TNFSF12: variants seen among roughly 807,000 people sequenced by gnomAD.
TNFSF12 encodes TNF superfamily member 12, also known as tumor necrosis factor ligand superfamily member 12.
In TNFSF12, 16 loss-of-function variants were observed where a neutral mutation model predicts 31.2. The ratio of observed to expected loss-of-function variants is 0.51; its 90% CI spans 0.35 to 0.78. The LOEUF is 0.78. Among genes scored for constraint, TNFSF12 ranks in the 30% least tolerant of loss-of-function variants. The pLI, the probability that TNFSF12 is intolerant of heterozygous loss-of-function variation, is 0.01. For synonymous variants in TNFSF12, 150 were observed against 151.4 expected, an observed-to-expected ratio of 0.99 and a Z score of 0.07; for missense variants, 324 against 338.8, an observed-to-expected ratio of 0.96 and a Z score of 0.34.
chr17:7,557,054 G>T lies in TNFSF12; in HGVS notation c.499-45G>T, dbSNP rs752278271. 1.3e-6 allele frequency: 2 copies of T among 1,573,160 alleles called. No homozygotes were observed. Among genetic ancestry groups the T allele is most frequent in the Non-Finnish European group, 1.7e-6 (2 of 1,155,260 alleles). On this transcript the variant is annotated intron_variant, in intron 6 of 6. Coordinates refer to ENST00000293825, the MANE Select transcript of TNFSF12 (RefSeq NM_003809.3). The surrounding 1 kb of genome is among the most constrained non-coding windows in gnomAD (Gnocchi z 5.2). ...CGCTGAGGAAATTGGAAATTGAGGC[G>T]AGGGCAGGCAGAGGCCTGGACTCGG...
At chr17:7,552,632 C>T (rs1252420744) in intron 5 of TNFSF12, among the ~76,000 whole-genome samples, 1 of 151,980 alleles carries the variant, frequency 6.6e-6, no homozygotes, top group Admixed American at 6.6e-5. Flanking sequence ...CCCGGCCTAT[C>T]GATGGCATTT....
In TNFSF12 at chr17:7,556,816, A is replaced by C; in HGVS notation, c.412A>C (p.Ile138Leu). 1 of 1,550,454 alleles carries C rather than the reference A, an allele frequency of 6.4e-7. No individual in the cohort carries two copies. The highest frequency in any genetic ancestry group is 2.0e-5 in the Admixed American group (1 of 49,880). ...AGTGAGTGGCTGGGAGGAAGCCAGA[A>C]TCAACAGCTCCAGCCCTCTGCGCTA... ...GTVSGWEEAR[I>L]NSSSPLRYNR... is the part of the protein sequence containing the mutation. The change falls in exon 6 of 7, where the codon ATC becomes CTC. Residue 138 changes from isoleucine (I) to leucine (L), a missense_variant. Physicochemically the swap from Ile to Leu is conservative, Grantham distance 5. Transcript: ENST00000293825.
In TNFSF12 at chr17:7,557,125, C is replaced by T. The variant is rs1270959385; in HGVS notation, c.525C>T (p.Val175=). 1 of 1,613,542 alleles carries T rather than the reference C, an allele frequency of 6.2e-7. No homozygotes were observed. Among genetic ancestry groups the T allele is most frequent in the South Asian group, 1.1e-5 (1 of 91,062 alleles). ...TGCACTTTGATGAGGGGAAGGCTGT[C>T]TACCTGAAGCTGGACTTGCTGGTGG... is the stretch of plus-strand genomic sequence containing the variant. ...CQVHFDEGKA[V]YLKLDLLVDG... The change falls in exon 7 of 7, where the codon GTC becomes GTT. Residue 175 remains valine, a synonymous_variant. Coordinates refer to ENST00000293825, the MANE Select transcript of TNFSF12 (RefSeq NM_003809.3). The surrounding 1 kb of genome is among the most constrained non-coding windows in gnomAD (Gnocchi z 5.2).
chr17:7,551,071 CAG>C, intron 5 of TNFSF12, 93 bp downstream of exon 5: 1 of 1,590,202 alleles, frequency 6.3e-7, no homozygotes, highest in Non-Finnish European at 8.6e-7. Context: ...CCATCAGTCT[CAG>C]AACCACAGAA....
chr17:7,550,992 C>A lies in TNFSF12; in HGVS notation c.373+14C>A. 2 of 1,613,380 alleles carry A rather than the reference C, an allele frequency of 1.2e-6. No individual in the cohort carries two copies. Among genetic ancestry groups the A allele is most frequent in the Non-Finnish European group, 1.7e-6 (2 of 1,180,004 alleles). On this transcript the variant is annotated intron_variant, in intron 5 of 6. Transcript: ENST00000293825. The surrounding 1 kb of genome is among the most constrained non-coding windows in gnomAD (Gnocchi z 4.4). ...GAGCGCAGGCAGGTGAGACCCCATC[C>A]CCCGACACAGCACTGGCCTCCTGGG...
chr17:7,555,522 G>A (rs1214935027), intron 5 of TNFSF12, among the ~76,000 whole-genome samples: 1 of 152,236 alleles, frequency 6.6e-6, no homozygotes, highest in Non-Finnish European at 1.5e-5. Flanking sequence ...CCATCGGAAG[G>A]AGGAAGGCGA....
chr17:7,551,942 C>G (rs1006396488), intron 5 of TNFSF12, among the ~76,000 whole-genome samples: 11 of 152,108 alleles, frequency 7.2e-5, no homozygotes, highest in African/African-American at 2.4e-4. Context: ...TGTGCCACCA[C>G]GCCTGGCTAA....
chr17:7,557,362 C>A lies in TNFSF12; in HGVS notation c.*12C>A. 6.3e-7 allele frequency: 1 copy of A among 1,575,738 alleles called. No individual in the cohort carries two copies. The highest frequency in any genetic ancestry group is 1.2e-5 in the South Asian group (1 of 86,522). The stretch of plus-strand genomic sequence containing the variant: ...TCCAGGTTCACTGAGGGGCCCTGGT[C>A]TCCCCGCAGTCGTCCCAGGCTGCCG... On this transcript the variant is annotated 3_prime_UTR_variant, in exon 7 of 7. Coordinates refer to ENST00000293825, the MANE Select transcript of TNFSF12 (RefSeq NM_003809.3). The surrounding 1 kb of genome is among the most constrained non-coding windows in gnomAD (Gnocchi z 5.2).
At chr17:7,554,377 G>A (rs1465596346) in intron 5 of TNFSF12, among the ~76,000 whole-genome samples, 1 of 140,838 alleles carries the variant, frequency 7.1e-6, no homozygotes, top group Non-Finnish European at 1.5e-5. Flanking sequence ...GTAGTGGCGC[G>A]ATCTCGGCTT....
At chr17:7,555,717 G>A (rs2071053639) in intron 5 of TNFSF12, among the ~76,000 whole-genome samples, 1 of 152,142 alleles carries the variant, frequency 6.6e-6, no homozygotes, top group South Asian at 2.1e-4. Flanking sequence ...ATCGATTAAT[G>A]ATGTAGGTAA....
chr17:7,554,278 A>G (rs910210039), intron 5 of TNFSF12, among the ~76,000 whole-genome samples: 5 of 147,784 alleles, frequency 3.4e-5, no homozygotes, highest in Non-Finnish European at 6.0e-5. Context: ...GGGCCAGGCT[A>G]GGTGCCCACA....
Position 7,557,266 on chromosome 17 carries a change from C to T in TNFSF12, c.666C>T (p.Ser222=). Residue 222 remains serine, a synonymous_variant, in exon 7 of 7, where the codon TCC becomes TCT. Transcript: ENST00000293825. The surrounding 1 kb of genome is among the most constrained non-coding windows in gnomAD (Gnocchi z 5.2). ...GGCTGTTGGCCCTGCGGCCAGGGTC[C>T]TCCCTGCGGATCCGCACCCTCCCCT... ...VSGLLALRPG[S]SLRIRTLPWA... is the part of the protein sequence containing the mutation. The T allele has an allele frequency of 6.2e-7, 1 of 1,613,854 alleles. No homozygotes were observed. The highest frequency in any genetic ancestry group is 8.5e-7 in the Non-Finnish European group (1 of 1,179,966).
rs1180583246 is a variant in TNFSF12 at position 7,550,521 on chromosome 17, C to G, written c.284-278C>G. Among the ~76,000 whole-genome samples, 1 of 151,750 alleles carries G rather than the reference C, an allele frequency of 6.6e-6. No homozygotes were observed. Among genetic ancestry groups the G allele is most frequent in the Non-Finnish European group, 1.5e-5 (1 of 68,006 alleles). On this transcript the variant is annotated intron_variant, in intron 3 of 6. Coordinates refer to ENST00000293825, the MANE Select transcript of TNFSF12 (RefSeq NM_003809.3). This position sits in a 1 kb window ranked among gnomAD's most constrained non-coding sequence, Gnocchi z 4.4. ...ATGGGATGATGGGGTGGCCGGATGA[C>G]CACGTGTCCAAGTCGGCATGCAGTT...
chr17:7,549,452 GAC>G lies in TNFSF12; in HGVS notation c.160-21_160-20del. ...GATGTCAGGTGGAGCGGCACAGGGT[GAC>G]GCTCCCTCCTTCCCAGCAGGAGCCT... On this transcript the variant is annotated intron_variant, in intron 1 of 6. Transcript: ENST00000293825. This position sits in a 1 kb window ranked among gnomAD's most constrained non-coding sequence, Gnocchi z 4.1. 6.7e-7 allele frequency: 1 copy of G among 1,500,830 alleles called. No homozygotes were observed. The highest frequency in any genetic ancestry group is 2.1e-5 in the Admixed American group (1 of 47,394). The allele number at this position is 1,500,830 out of a possible 1,614,324, so 93.0% of individuals were successfully genotyped here.
At position 7,550,296 on chromosome 17, in the gene TNFSF12, T is replaced by G. The variant is rs2070986507; in HGVS notation, c.283+101T>G. ...GGAGGGTGAAAGGAGTTCAGAGTCA[T>G]GCAGCTAACCAGCCAAGACTCAAAC... is the stretch of plus-strand genomic sequence containing the variant. On this transcript the variant is annotated intron_variant, in intron 3 of 6. Coordinates refer to ENST00000293825, the MANE Select transcript of TNFSF12 (RefSeq NM_003809.3). This position sits in a 1 kb window ranked among gnomAD's most constrained non-coding sequence, Gnocchi z 4.4. 5 of 1,565,150 alleles carry G rather than the reference T, an allele frequency of 3.2e-6. No homozygotes were observed.
chr17:7,555,476 C>T (rs2150907774), intron 5 of TNFSF12, among the ~76,000 whole-genome samples: 1 of 152,240 alleles, frequency 6.6e-6, no homozygotes, highest in South Asian at 2.1e-4. Flanking sequence ...AGAAGCCAGG[C>T]CACACGGTGG....
intron 5 of TNFSF12, among the ~76,000 whole-genome samples, chr17:7,553,036 T>C (rs2071018938): frequency 9.0e-5 from 3 of 33,422 alleles, no homozygotes; most frequent in Admixed American, 3.3e-4. Flanking sequence ...TTTTTTTTTT[T>C]TTTTTTTTTT....
intron 5 of TNFSF12, 152 bp downstream of exon 5, chr17:7,551,130 C>A: frequency 2.9e-6 from 4 of 1,365,956 alleles, no homozygotes; most frequent in Non-Finnish European, 3.9e-6. Flanking sequence ...AGGCGTGGGA[C>A]CCCATGAAAG....
chr17:7,553,970 C>T (rs1433749263), intron 5 of TNFSF12: 7 of 857,968 alleles, frequency 8.2e-6, no homozygotes, highest in East Asian at 8.9e-5. Context: ...AAGCAAGCTT[C>T]GTGGGGGAAT....
Sources: gnomAD v4.1 joint callset for allele counts (sites outside exome capture counted in the v4.1 genomes callset) on GRCh38, gnomAD v4.1.1 for gene constraint, Gnocchi (gnomAD v3.1) non-coding constraint, MANE v1.5 for transcripts, NCBI Gene and HGNC (gene_info 2026-07-23, HGNC 2026-07-21) for gene names.